The following KHDRBS2 variants were observed in gnomAD, a reference collection of about 807,000 sequenced individuals.
KHDRBS2 encodes the protein KH RNA binding domain containing, signal transduction associated 2.
Under a neutral mutation model 44.3 loss-of-function variants are expected in KHDRBS2, and 26 were observed. The observed-to-expected ratio is 0.59, with a 90% CI of 0.43 to 0.81. The LOEUF is 0.81. KHDRBS2 is among the 40% of genes least tolerant of loss of function. The pLI is 0.00. For synonymous variants in KHDRBS2, 194 were observed against 151.1 expected (o/e 1.28, Z -2.08); for missense variants, 476 against 433.1 (o/e 1.10, Z -0.88).
chr6:61,807,755 A>C (rs1384112767), intron 6 of KHDRBS2, among the ~76,000 whole-genome samples: 1 of 152,108 alleles, frequency 6.6e-6, no homozygotes, highest in Admixed American at 6.6e-5. Flanking sequence ...AATTATCTGT[A>C]CACTAAACCC....
intron 6 of KHDRBS2, among the ~76,000 whole-genome samples, chr6:61,734,519 T>G (rs970044455): frequency 6.6e-6 from 1 of 152,104 alleles, no homozygotes; most frequent in Non-Finnish European, 1.5e-5. Flanking sequence ...TTTGTCATTT[T>G]CTATTGGCTG....
At chr6:62,017,930 T>C (rs1484677082) in intron 3 of KHDRBS2, among the ~76,000 whole-genome samples, 1 of 152,036 alleles carries the variant, frequency 6.6e-6, no homozygotes, top group Non-Finnish European at 1.5e-5. Context: ...ATCAATTTGA[T>C]ATAAAAAATT....
At chr6:61,642,182 T>C in the KHDRBS2 span, among the ~76,000 whole-genome samples, 1 of 152,176 alleles carries the variant, frequency 6.6e-6, no homozygotes, top group African/African-American at 2.4e-5. Context: ...TTGTTTCGTA[T>C]AGTGAAATTT....
chr6:62,255,825 A>T (rs1233182053), intron 1 of KHDRBS2, among the ~76,000 whole-genome samples: 6 of 151,796 alleles, frequency 4.0e-5, no homozygotes, highest in African/African-American at 1.5e-4. Flanking sequence ...ATATTGACAC[A>T]AATTTTCTTA....
At chr6:62,276,439 A>C (rs1401837956) in intron 1 of KHDRBS2, among the ~76,000 whole-genome samples, 2 of 152,182 alleles carry the variant, frequency 1.3e-5, no homozygotes, top group Non-Finnish European at 2.9e-5. Flanking sequence ...TCTCTAAAAA[A>C]TGTGGGGAAA....
chr6:62,145,736 C>A (rs572416847), intron 2 of KHDRBS2, among the ~76,000 whole-genome samples: 1 of 151,920 alleles, frequency 6.6e-6, no homozygotes, highest in Non-Finnish European at 1.5e-5. Flanking sequence ...ATCTGTGAAT[C>A]TGAAAATCTG....
At chr6:62,177,507 T>G (rs1379625317) in intron 1 of KHDRBS2, among the ~76,000 whole-genome samples, 195 bp from the exon 2 acceptor site, 1 of 150,788 alleles carries the variant, frequency 6.6e-6, no homozygotes, top group Non-Finnish European at 1.5e-5. Flanking sequence ...TAAGAGAACC[T>G]CTGTCAACTC....
At chr6:61,795,666 T>A (rs557198012) in intron 6 of KHDRBS2, among the ~76,000 whole-genome samples, 8 of 152,322 alleles carry the variant, frequency 5.3e-5, no homozygotes, top group African/African-American at 1.9e-4. Context: ...TATGTGAGTA[T>A]GCCTGCTCCA....
chr6:61,981,598 C>G (rs1317039951), intron 3 of KHDRBS2, among the ~76,000 whole-genome samples: 1 of 151,940 alleles, frequency 6.6e-6, no homozygotes, highest in Non-Finnish European at 1.5e-5. Flanking sequence ...TCACAGTGAC[C>G]TGTGATCCTA....
the KHDRBS2 span, among the ~76,000 whole-genome samples, chr6:61,550,262 T>C: frequency 6.6e-6 from 1 of 152,170 alleles, no homozygotes; most frequent in Admixed American, 6.6e-5. Context: ...GTGTACTCAA[T>C]GTTCAGTTCC....
intron 6 of KHDRBS2, among the ~76,000 whole-genome samples, chr6:61,796,550 TA>T (rs2127587663): frequency 6.6e-6 from 1 of 152,162 alleles, no homozygotes; most frequent in South Asian, 2.1e-4. Flanking sequence ...AAGGGTACAT[TA>T]AAAACTATTA....
chr6:61,777,023 C>A lies in KHDRBS2; in HGVS notation c.811-44259G>T, dbSNP rs1465820748. Among the ~76,000 whole-genome samples the A allele has an allele frequency of 2.0e-5, 3 of 151,716 alleles. No homozygotes were observed. The South Asian group carries it at 6.2e-4, about 32-fold the overall frequency. On this transcript the variant is annotated intron_variant, in intron 6 of 8. Coordinates refer to ENST00000281156, the MANE Select transcript of KHDRBS2 (RefSeq NM_152688.4). ...CGAAACTGGAAACCGTCATTCTCAG[C>A]AAACTATCACAAGGACAAAAAACCA...
intron 6 of KHDRBS2, among the ~76,000 whole-genome samples, chr6:61,869,904 T>C (rs552618334): frequency 6.6e-6 from 1 of 151,150 alleles, no homozygotes; most frequent in Non-Finnish European, 1.5e-5. Context: ...ACCAGGGCCT[T>C]GGGTTTCAAA....
intron 2 of KHDRBS2, among the ~76,000 whole-genome samples, chr6:62,169,158 CGT>C (rs1491522484): frequency 6.3e-5 from 5 of 79,966 alleles, no homozygotes; most frequent in African/African-American, 2.4e-4. Context: ...TGTATATATA[CGT>C]ACACATATAT....
chr6:61,891,533 G>A (rs1801840155), intron 6 of KHDRBS2, among the ~76,000 whole-genome samples: 1 of 152,074 alleles, frequency 6.6e-6, no homozygotes. Flanking sequence ...TGTACCTCTG[G>A]TAAAATTCGG....
intron 3 of KHDRBS2, among the ~76,000 whole-genome samples, chr6:62,032,136 T>A (rs915872271): frequency 6.6e-6 from 1 of 152,110 alleles, no homozygotes; most frequent in African/African-American, 2.4e-5. Context: ...AAGACCATTG[T>A]GATGGTTAAT....
intron 2 of KHDRBS2, among the ~76,000 whole-genome samples, chr6:62,125,131 T>C (rs1481508401): frequency 2.0e-5 from 3 of 152,184 alleles, no homozygotes; most frequent in Non-Finnish European, 4.4e-5. Context: ...AAAGACAGTC[T>C]TGAATTGCCC....
intron 3 of KHDRBS2, among the ~76,000 whole-genome samples, chr6:61,992,519 T>C (rs2127249761): frequency 6.6e-6 from 1 of 152,288 alleles, no homozygotes; most frequent in South Asian, 2.1e-4. Context: ...ATTATGTTAC[T>C]AATATCAATT....
chr6:62,133,235 T>C (rs1810750115), intron 2 of KHDRBS2, among the ~76,000 whole-genome samples: 1 of 152,180 alleles, frequency 6.6e-6, no homozygotes, highest in Non-Finnish European at 1.5e-5. Flanking sequence ...TTGTAGCTCC[T>C]ATAATTCCCA....
Sources: gnomAD v4.1 joint callset for allele counts (sites outside exome capture counted in the v4.1 genomes callset) on GRCh38, gnomAD v4.1.1 for gene constraint, MANE v1.5 for transcripts, NCBI Gene and HGNC (gene_info 2026-07-23, HGNC 2026-07-21) for gene names.